Variants in OR4D6 observed in about 807,000 individuals in gnomAD.
The protein encoded by OR4D6 is olfactory receptor 4D6.
A neutral mutation model predicts 10.9 loss-of-function variants in OR4D6; 9 were observed. That is an observed-to-expected ratio of 0.82 (90% confidence interval 0.50 to 1.44). The LOEUF (loss-of-function observed/expected upper bound fraction) is 1.44. OR4D6 is among the 40% of genes most tolerant of loss of function. The pLI is 0.00. For missense variants in OR4D6, 370 were observed against 384.4 expected, an observed-to-expected ratio of 0.96 and a Z score of 0.31; for synonymous variants, 167 against 154.4, an observed-to-expected ratio of 1.08 and a Z score of -0.60.
At position 59,457,789 on chromosome 11, in the gene OR4D6, G is replaced by A. The variant is rs74450474; in HGVS notation, c.829G>A (p.Val277Ile). 7.2e-4 allele frequency: 1,154 copies of A among 1,613,916 alleles called. 6 individuals are homozygous for A. In the African/African-American group the frequency reaches 0.014, roughly 19 times the overall value. The change falls in exon 1 of 1, where the codon GTC becomes ATC. Residue 277 changes from valine to isoleucine, a missense_variant. By Grantham distance (29) the Val-to-Ile change is conservative. Transcript: ENST00000300127. ...CACAACCATATCCATTAATAACACG[G>A]TCATTACCCCCATGCTGAACCCCAT... is the stretch of plus-strand genomic sequence containing the variant. ...MDTTISINNT[V>I]ITPMLNPIIY...
rs1858677110 is a variant in OR4D6, at chr11:59,457,090, C to T, written c.130C>T (p.Leu44Phe). 1 of 1,614,048 alleles carries T rather than the reference C, an allele frequency of 6.2e-7. No homozygotes were observed. The highest frequency in any genetic ancestry group is 8.5e-7 in the Non-Finnish European group (1 of 1,179,962). The change falls in exon 1 of 1, where the codon CTC (leucine) becomes TTC (phenylalanine). Residue 44 changes from leucine to phenylalanine, a missense_variant. By Grantham distance (22) the Leu-to-Phe change is conservative. Coordinates refer to ENST00000300127, the MANE Select transcript of OR4D6 (RefSeq NM_001004708.1). ...TGTAGCAACAGTCCTGGGAAATGCACTCATTGTGGTCACTATTACCTGTGA... is the reference window on the plus strand; with the variant it reads ...TGTAGCAACAGTCCTGGGAAATGCATTCATTGTGGTCACTATTACCTGTGA... ...VYVATVLGNALIVVTITCESR... is the reference protein window; with the variant it reads ...VYVATVLGNAFIVVTITCESR...
rs1858677994 is a variant in OR4D6 at position 59,457,143 on chromosome 11, T to C, written c.183T>C (p.Phe61=). The change falls in exon 1 of 1, where the codon TTT becomes TTC. Residue 61 remains phenylalanine, a synonymous_variant. Transcript: ENST00000300127. Reference sequence around the variant, plus strand: ...CCCGCCTACACACTCCTATGTACTTTCTCCTGCGGAACAAATCAGTCCTGG... The same window carrying C: ...CCCGCCTACACACTCCTATGTACTTCCTCCTGCGGAACAAATCAGTCCTGG... ...CESRLHTPMY[F]LLRNKSVLDI... The C allele has an allele frequency of 1.9e-6, 3 of 1,614,104 alleles. No individual in the cohort carries two copies. Among genetic ancestry groups the C allele is most frequent in the Non-Finnish European group, 2.5e-6 (3 of 1,179,998 alleles).
Position 59,457,168 on chromosome 11 carries a change from G to A in OR4D6, c.208G>A (p.Asp70Asn), listed in dbSNP as rs1233387524. ...YFLLRNKSVLDIVFSSITVPK... is the reference protein window; with the variant it reads ...YFLLRNKSVLNIVFSSITVPK... ...TCTCCTGCGGAACAAATCAGTCCTGGACATCGTTTTTTCATCTATCACCGT... is the reference window on the plus strand; with the variant it reads ...TCTCCTGCGGAACAAATCAGTCCTGAACATCGTTTTTTCATCTATCACCGT... Residue 70 changes from aspartate (D) to asparagine (N), a missense_variant, in exon 1 of 1, where the codon GAC becomes AAC. Transcript: ENST00000300127. The A allele has an allele frequency of 6.2e-7, 1 of 1,613,776 alleles. No individual in the cohort carries two copies. The highest frequency in any genetic ancestry group is 1.3e-5 in the African/African-American group (1 of 74,876).
chr11:59,457,004 T>C lies in OR4D6; in HGVS notation c.44T>C (p.Leu15Pro), dbSNP rs371096380. 2 of 1,614,038 alleles carry C rather than the reference T, an allele frequency of 1.2e-6. No individual in the cohort carries two copies. The highest frequency in any genetic ancestry group is 1.3e-5 in the African/African-American group (1 of 74,930). ...ACTAATGTGAAGGAGTTTTTCTTCC[T>C]GGAACTTACACGTTCCCGAGAGCTG... Reference protein sequence around the residue: ...NHTNVKEFFFLELTRSRELEF... With the variant: ...NHTNVKEFFFPELTRSRELEF... The change falls in exon 1 of 1, where the codon CTG becomes CCG. Residue 15 changes from leucine to proline, a missense_variant. By Grantham distance (98) the Leu-to-Pro change is moderately conservative (BLOSUM62 -3). Coordinates refer to ENST00000300127, the MANE Select transcript of OR4D6 (RefSeq NM_001004708.1).
Position 59,457,574 on chromosome 11 carries a change from T to A in OR4D6, c.614T>A (p.Leu205Gln), listed in dbSNP as rs1858685800. 2 of 1,614,078 alleles carry A rather than the reference T, an allele frequency of 1.2e-6. No homozygotes were observed. The highest frequency in any genetic ancestry group is 2.2e-5 in the South Asian group (2 of 91,086). ...CTTTTCATGATCTCTAACAACGGACTGGTGACCCTGCTCTGGTTCCTCCTG... is the reference window on the plus strand; with the variant it reads ...CTTTTCATGATCTCTAACAACGGACAGGTGACCCTGCTCTGGTTCCTCCTG... Reference protein sequence around the residue: ...LELFMISNNGLVTLLWFLLLL... With the variant: ...LELFMISNNGQVTLLWFLLLL... Residue 205 changes from leucine (L) to glutamine (Q), a missense_variant, in exon 1 of 1, where the codon CTG (leucine) becomes CAG (glutamine). Leu to Gln is a moderately radical substitution (Grantham distance 113). Coordinates refer to ENST00000300127, the MANE Select transcript of OR4D6 (RefSeq NM_001004708.1).
At position 59,457,540 on chromosome 11, in the gene OR4D6, G is replaced by A. The variant is rs753587666; in HGVS notation, c.580G>A (p.Ala194Thr). The change falls in exon 1 of 1, where the codon GCT becomes ACT. Residue 194 changes from alanine (A) to threonine (T), a missense_variant. Transcript: ENST00000300127. ...AAAACTGGCCTGCACTGACACCTTT[G>A]CTTTGGAGCTTTTCATGATCTCTAA... Reference protein sequence around the residue: ...VVKLACTDTFALELFMISNNG... With the variant: ...VVKLACTDTFTLELFMISNNG... 7.7e-5 allele frequency: 124 copies of A among 1,613,966 alleles called. No homozygotes were observed. The South Asian group carries it at 1.3e-3, about 17-fold the overall frequency.
Position 59,457,769 on chromosome 11 carries a change from C to A in OR4D6, c.809C>A (p.Thr270Asn), listed in dbSNP as rs770903137. The A allele has an allele frequency of 1.2e-6, 2 of 1,613,554 alleles. No individual in the cohort carries two copies. Among genetic ancestry groups the A allele is most frequent in the African/African-American group, 1.3e-5 (1 of 75,042 alleles). The part of the protein sequence containing the change: ...RPFMTLPMDT[T>N]ISINNTVITP... ...TTCATGACGCTGCCCATGGACACAA[C>A]CATATCCATTAATAACACGGTCATT... The change falls in exon 1 of 1, where the codon ACC (threonine) becomes AAC (asparagine). Residue 270 changes from threonine to asparagine, a missense_variant. By Grantham distance (65) the Thr-to-Asn change is moderately conservative. Transcript: ENST00000300127.
chr11:59,457,859 G>A lies in OR4D6; in HGVS notation c.899G>A (p.Arg300Lys), dbSNP rs566507836. ...RNQEMKSAMQ[R>K]LQRRLGPSES... ...CAAGAGATGAAGTCAGCCATGCAGA[G>A]GCTGCAGAGGAGACTTGGGCCTTCC... Residue 300 changes from arginine (R) to lysine (K), a missense_variant, in exon 1 of 1, where the codon AGG becomes AAG. Arg to Lys is a conservative substitution (Grantham distance 26, BLOSUM62 2). Coordinates refer to ENST00000300127, the MANE Select transcript of OR4D6 (RefSeq NM_001004708.1). The A allele has an allele frequency of 1.2e-6, 2 of 1,612,986 alleles. No homozygotes were observed. Among genetic ancestry groups the A allele is most frequent in the African/African-American group, 2.7e-5 (2 of 74,996 alleles).
rs1239744060 is a variant in OR4D6, at chr11:59,457,252, A to G, written c.292A>G (p.Met98Val). 4 of 1,613,810 alleles carry G rather than the reference A, an allele frequency of 2.5e-6. No individual in the cohort carries two copies. Among genetic ancestry groups the G allele is most frequent in the Non-Finnish European group, 3.4e-6 (4 of 1,179,898 alleles). Residue 98 changes from methionine to valine, a missense_variant, in exon 1 of 1, where the codon ATG (methionine) becomes GTG (valine). Physicochemically the swap from Met to Val is conservative, Grantham distance 21. Transcript: ENST00000300127. ...GAAAACCATCTCCTACAATGACTGCATGGCACAGATCTTTTTCTTCCACTT... is the reference window on the plus strand; with the variant it reads ...GAAAACCATCTCCTACAATGACTGCGTGGCACAGATCTTTTTCTTCCACTT... ...DRKTISYNDC[M>V]AQIFFFHFAG... is the part of the protein sequence containing the mutation.
In OR4D6 at chr11:59,457,345, C is replaced by T. The variant is rs564736831; in HGVS notation, c.385C>T (p.Pro129Ser). The T allele has an allele frequency of 6.2e-7, 1 of 1,613,118 alleles. No homozygotes were observed. The highest frequency in any genetic ancestry group is 1.1e-5 in the South Asian group (1 of 90,856). The change falls in exon 1 of 1, where the codon CCC (proline) becomes TCC (serine). Residue 129 changes from proline (P) to serine (S), a missense_variant. Coordinates refer to ENST00000300127, the MANE Select transcript of OR4D6 (RefSeq NM_001004708.1). Reference sequence around the variant, plus strand: ...TGACAGATACCTTGCAATCGCCAAGCCCCTGCACTATGTGACCATGATGAG... The same window carrying T: ...TGACAGATACCTTGCAATCGCCAAGTCCCTGCACTATGTGACCATGATGAG... ...AYDRYLAIAK[P>S]LHYVTMMRKE...
chr11:59,457,751 C>A lies in OR4D6; in HGVS notation c.791C>A (p.Thr264Lys). The change falls in exon 1 of 1, where the codon ACG becomes AAG. Residue 264 changes from threonine (T) to lysine (K), a missense_variant. Transcript: ENST00000300127. ...CVYIYCRPFM[T>K]LPMDTTISIN... ...TACATCTACTGCCGGCCCTTCATGA[C>A]GCTGCCCATGGACACAACCATATCC... is the stretch of plus-strand genomic sequence containing the variant. 1.2e-6 allele frequency: 2 copies of A among 1,614,080 alleles called. No homozygotes were observed. The highest frequency in any genetic ancestry group is 1.7e-6 in the Non-Finnish European group (2 of 1,179,934).
In OR4D6 at chr11:59,457,142, T is replaced by C. The variant is rs753129921; in HGVS notation, c.182T>C (p.Phe61Ser). 5.6e-6 allele frequency: 9 copies of C among 1,614,134 alleles called. No homozygotes were observed. In the East Asian group the frequency reaches 2.0e-4, roughly 36 times the overall value. The change falls in exon 1 of 1, where the codon TTT becomes TCT. Residue 61 changes from phenylalanine to serine, a missense_variant. Phe to Ser is a radical substitution (Grantham distance 155, BLOSUM62 -2). Coordinates refer to ENST00000300127, the MANE Select transcript of OR4D6 (RefSeq NM_001004708.1). ...CESRLHTPMY[F>S]LLRNKSVLDI... Reference sequence around the variant, plus strand: ...TCCCGCCTACACACTCCTATGTACTTTCTCCTGCGGAACAAATCAGTCCTG... The same window carrying C: ...TCCCGCCTACACACTCCTATGTACTCTCTCCTGCGGAACAAATCAGTCCTG...
rs557643699 is a variant in OR4D6 at position 59,457,625 on chromosome 11, T to C, written c.665T>C (p.Leu222Pro). 545 of 1,614,076 alleles carry C rather than the reference T, an allele frequency of 3.4e-4. No individual in the cohort carries two copies. In the South Asian group the frequency reaches 5.0e-3, roughly 15 times the overall value. ...CTCCTGGGCTCCTACACTGTCATTC[T>C]GGTGATGCTGAGATCCCACTCTGGG... is the stretch of plus-strand genomic sequence containing the variant. ...LLLLGSYTVI[L>P]VMLRSHSGEG... is the part of the protein sequence containing the mutation. The change falls in exon 1 of 1, where the codon CTG becomes CCG. Residue 222 changes from leucine (L) to proline (P), a missense_variant. By Grantham distance (98) the Leu-to-Pro change is moderately conservative. Coordinates refer to ENST00000300127, the MANE Select transcript of OR4D6 (RefSeq NM_001004708.1).
chr11:59,457,510 G>T lies in OR4D6; in HGVS notation c.550G>T (p.Val184Leu). ...TGCCTTCTACTGTTATGTGCTCCAG[G>T]TGGTAAAACTGGCCTGCACTGACAC... ...LDAFYCYVLQ[V>L]VKLACTDTFA... Residue 184 changes from valine to leucine, a missense_variant, in exon 1 of 1, where the codon GTG becomes TTG. Coordinates refer to ENST00000300127, the MANE Select transcript of OR4D6 (RefSeq NM_001004708.1). 6.2e-7 allele frequency: 1 copy of T among 1,614,102 alleles called. No homozygotes were observed. Among genetic ancestry groups the T allele is most frequent in the Non-Finnish European group, 8.5e-7 (1 of 1,180,022 alleles).
chr11:59,457,510 G>A lies in OR4D6; in HGVS notation c.550G>A (p.Val184Met), dbSNP rs775549614. Residue 184 changes from valine (V) to methionine (M), a missense_variant, in exon 1 of 1, where the codon GTG becomes ATG. Val to Met is a conservative substitution (Grantham distance 21). Coordinates refer to ENST00000300127, the MANE Select transcript of OR4D6 (RefSeq NM_001004708.1). ...LDAFYCYVLQ[V>M]VKLACTDTFA... The stretch of plus-strand genomic sequence containing the variant: ...TGCCTTCTACTGTTATGTGCTCCAG[G>A]TGGTAAAACTGGCCTGCACTGACAC... 17 of 1,614,102 alleles carry A rather than the reference G, an allele frequency of 1.1e-5. No individual in the cohort carries two copies. The highest frequency in any genetic ancestry group is 9.9e-5 in the South Asian group (9 of 91,078).
Position 59,457,811 on chromosome 11 carries a change from C to G in OR4D6, c.851C>G (p.Pro284Arg). Reference sequence around the variant, plus strand: ...ACGGTCATTACCCCCATGCTGAACCCCATCATCTATTCCCTGAGAAATCAA... The same window carrying G: ...ACGGTCATTACCCCCATGCTGAACCGCATCATCTATTCCCTGAGAAATCAA... ...NNTVITPMLN[P>R]IIYSLRNQEM... The change falls in exon 1 of 1, where the codon CCC becomes CGC. Residue 284 changes from proline to arginine, a missense_variant. By Grantham distance (103) the Pro-to-Arg change is moderately radical (BLOSUM62 -2). Coordinates refer to ENST00000300127, the MANE Select transcript of OR4D6 (RefSeq NM_001004708.1). 6.2e-7 allele frequency: 1 copy of G among 1,614,056 alleles called. No individual in the cohort carries two copies. Among genetic ancestry groups the G allele is most frequent in the Non-Finnish European group, 8.5e-7 (1 of 1,179,958 alleles).
At position 59,457,860 on chromosome 11, in the gene OR4D6, G is replaced by T. The variant is rs1300482183; in HGVS notation, c.900G>T (p.Arg300Ser). The change falls in exon 1 of 1, where the codon AGG becomes AGT. Residue 300 changes from arginine to serine, a missense_variant. Coordinates refer to ENST00000300127, the MANE Select transcript of OR4D6 (RefSeq NM_001004708.1). ...RNQEMKSAMQRLQRRLGPSES... is the reference protein window; with the variant it reads ...RNQEMKSAMQSLQRRLGPSES... ...AAGAGATGAAGTCAGCCATGCAGAG[G>T]CTGCAGAGGAGACTTGGGCCTTCCG... is the stretch of plus-strand genomic sequence containing the variant. The T allele has an allele frequency of 1.2e-6, 2 of 1,613,098 alleles. No homozygotes were observed. Among genetic ancestry groups the T allele is most frequent in the Admixed American group, 1.7e-5 (1 of 59,988 alleles).
At position 59,457,048 on chromosome 11, in the gene OR4D6, GTCT is replaced by G. The variant is rs753357094; in HGVS notation, c.93_95del (p.Phe32del). On this transcript the variant is annotated inframe_deletion, in exon 1 of 1. Coordinates refer to ENST00000300127, the MANE Select transcript of OR4D6 (RefSeq NM_001004708.1). ...AGAGCTGGAGTTTTTCTTGTTTGTG[GTCT>G]TCTTTGCTGTGTATGTAGCAACAGT... The G allele has an allele frequency of 1.2e-6, 2 of 1,614,090 alleles. No homozygotes were observed. The highest frequency in any genetic ancestry group is 4.5e-5 in the East Asian group (2 of 44,880).
rs763910313 is a variant in OR4D6 at position 59,457,534 on chromosome 11, A to G, written c.574A>G (p.Thr192Ala). The G allele has an allele frequency of 4.0e-5, 64 of 1,613,892 alleles. No individual in the cohort carries two copies. Among genetic ancestry groups the G allele is most frequent in the African/African-American group, 8.0e-5 (6 of 74,844 alleles). ...LQVVKLACTD[T>A]FALELFMISN... ...GGTGGTAAAACTGGCCTGCACTGAC[A>G]CCTTTGCTTTGGAGCTTTTCATGAT... The change falls in exon 1 of 1, where the codon ACC (threonine) becomes GCC (alanine). Residue 192 changes from threonine to alanine, a missense_variant. Coordinates refer to ENST00000300127, the MANE Select transcript of OR4D6 (RefSeq NM_001004708.1).
Sources: allele counts gnomAD v4.1 joint callset, GRCh38; gene constraint gnomAD v4.1.1; transcripts MANE v1.5; gene names NCBI Gene and HGNC (gene_info 2026-07-23, HGNC 2026-07-21).